The following COMMD5 variants were observed in gnomAD, a reference collection of about 807,000 sequenced individuals.
The protein encoded by COMMD5 is COMM domain-containing protein 5.
A neutral mutation model predicts 6.9 loss-of-function variants in COMMD5; 10 were observed. That is an observed-to-expected ratio of 1.44 (90% CI 0.89 to 2.45). The LOEUF is 2.45. Ranked by LOEUF, COMMD5 falls within the 30% of genes most tolerant of loss-of-function variation. The pLI, the probability that COMMD5 is intolerant of heterozygous loss-of-function variation, is 0.00. For synonymous variants in COMMD5, 127 were observed against 125.3 expected, an observed-to-expected ratio of 1.01 and a Z score of -0.09; for missense variants, 234 against 287.8, an observed-to-expected ratio of 0.81 and a Z score of 1.35.
exon 2 of COMMD5, chr8:144,841,195 C>A: frequency 1.4e-6 from 1 of 710,586 alleles, no homozygotes; most frequent in Non-Finnish European, 2.4e-6. Context: ...CTTTTGAGAA[C>A]TGTCAAAGGC....
downstream of COMMD5, among the ~76,000 whole-genome samples, chr8:144,845,554 A>G (rs943238058): frequency 1.3e-5 from 2 of 152,188 alleles, no homozygotes; most frequent in East Asian, 1.9e-4. Flanking sequence ...TCTGCTGCTC[A>G]ACCCTAATCT....
chr8:144,840,729 C>T (rs1020397491), downstream of COMMD5, among the ~76,000 whole-genome samples: 6 of 152,084 alleles, frequency 3.9e-5, no homozygotes, highest in South Asian at 2.1e-4. Context: ...GAGGTGGCCA[C>T]GCACAGCCCA....
intron 1 of COMMD5, among the ~76,000 whole-genome samples, chr8:144,851,766 G>A (rs1328018968): frequency 2.0e-5 from 3 of 152,136 alleles, no homozygotes; most frequent in Non-Finnish European, 4.4e-5. Context: ...ACCACACTGA[G>A]ACCATTTAAC....
chr8:144,851,966 C>T (rs756639682), intron 1 of COMMD5, among the ~76,000 whole-genome samples: 1 of 151,966 alleles, frequency 6.6e-6, no homozygotes, highest in Non-Finnish European at 1.5e-5. Flanking sequence ...AGCAAGACCC[C>T]GTTTCTACAA....
downstream of COMMD5, chr8:144,838,476 G>A (rs576089846): frequency 5.8e-5 from 17 of 293,910 alleles, 1 homozygote; most frequent in South Asian, 1.1e-3. Context: ...AGCATGACAA[G>A]GGAGATGGGT....
chr8:144,843,058 A>T, intron 1 of COMMD5: 1 of 1,614,134 alleles, frequency 6.2e-7, no homozygotes, highest in African/African-American at 1.3e-5. Flanking sequence ...ACACCTAATT[A>T]TACACCAGAG....
chr8:144,841,667 A>G, exon 2 of COMMD5: 1 of 1,614,190 alleles, frequency 6.2e-7, no homozygotes, highest in South Asian at 1.1e-5. Flanking sequence ...CTTGAAAGTC[A>G]GGGAGAGAGT....
downstream of COMMD5, chr8:144,838,171 G>A (rs552590795): frequency 9.4e-4 from 662 of 702,596 alleles, 1 homozygote; most frequent in South Asian, 1.9e-3. Context: ...TCTGATCTCC[G>A]ACTCCTTCAC....
At chr8:144,843,100 A>T (rs779277064) in intron 1 of COMMD5, 4 of 1,612,882 alleles carry the variant, frequency 2.5e-6, no homozygotes, top group Non-Finnish European at 3.4e-6. Context: ...TTATAAATGC[A>T]ATGACTGTGG....
intron 1 of COMMD5, among the ~76,000 whole-genome samples, chr8:144,844,446 C>T (rs1017066357): frequency 1.3e-5 from 2 of 151,482 alleles, no homozygotes; most frequent in African/African-American, 4.9e-5. Context: ...CGTGGTGGCT[C>T]ACGCCTGTAA....
intron 1 of COMMD5, chr8:144,842,166 G>A (rs1456924014): frequency 6.2e-7 from 1 of 1,614,112 alleles, no homozygotes; most frequent in Non-Finnish European, 8.5e-7. Context: ...TTAGACACCA[G>A]AGAACTCACA....
exon 2 of COMMD5, chr8:144,841,649 G>A (rs777245446): frequency 2.5e-6 from 4 of 1,614,210 alleles, no homozygotes; most frequent in Middle Eastern, 1.6e-4. Context: ...GGCCTGGATT[G>A]TCAGCCTCTT....
chr8:144,843,037 A>G, intron 1 of COMMD5: 1 of 1,614,206 alleles, frequency 6.2e-7, no homozygotes, highest in Non-Finnish European at 8.5e-7. Context: ...GAAGATATTT[A>G]GGTGGCGTTC....
downstream of COMMD5, among the ~76,000 whole-genome samples, chr8:144,845,437 C>T (rs1586853557): frequency 1.3e-5 from 2 of 152,078 alleles, no homozygotes; most frequent in South Asian, 2.1e-4. Flanking sequence ...AGGTGGAGCA[C>T]GGTGGGGTTC....
At chr8:144,841,585 C>T in exon 2 of COMMD5, 2 of 1,614,154 alleles carry the variant, frequency 1.2e-6, no homozygotes, top group Non-Finnish European at 1.7e-6. Flanking sequence ...GACTGTGGTT[C>T]CCAAGACCTT....
downstream of COMMD5, chr8:144,840,985 T>G (rs971954953): frequency 3.2e-5 from 7 of 216,378 alleles, no homozygotes; most frequent in Admixed American, 1.1e-4. Flanking sequence ...GCTCGGATGC[T>G]GGAGCCCCTG....
upstream of COMMD5, chr8:144,853,274 A>T (rs1327073929): frequency 1.3e-5 from 2 of 151,930 alleles, no homozygotes; most frequent in Non-Finnish European, 2.9e-5. Context: ...TCTGAGGTAG[A>T]AACTGCGGCC....
intron 1 of COMMD5, among the ~76,000 whole-genome samples, chr8:144,852,045 G>GA (rs902806923): frequency 6.6e-6 from 1 of 151,884 alleles, no homozygotes; most frequent in Non-Finnish European, 1.5e-5. Flanking sequence ...AGGCTGAGAG[G>GA]ACAGAGGATC....
Position 144,841,495 on chromosome 8 carries a change from G to T in COMMD5, c.*365C>A, listed in dbSNP as rs777669770. ...CTTTGGAGACGTTTCTGATTCTGAG[G>T]TCTGGTTAGACAGTCATCTGGGCAG... On this transcript the variant is annotated 3_prime_UTR_variant and NMD_transcript_variant, in exon 2 of 2. Coordinates refer to the COMMD5 transcript ENST00000530332. The T allele has an allele frequency of 3.1e-5, 50 of 1,614,030 alleles. No individual in the cohort carries two copies. Among genetic ancestry groups the T allele is most frequent in the Non-Finnish European group, 4.1e-5 (48 of 1,180,050 alleles).
Sources: gnomAD v4.1 joint callset for allele counts (sites outside exome capture counted in the v4.1 genomes callset) on GRCh38, gnomAD v4.1.1 for gene constraint, MANE v1.5 for transcripts, NCBI Gene and HGNC (gene_info 2026-07-23, HGNC 2026-07-21) for gene names.